The following SPATA6 variants were observed in gnomAD, a reference collection of about 807,000 sequenced individuals.
SPATA6 encodes the protein spermatogenesis associated 6, also known as spermatogenesis-associated protein 6.
SPATA6 carries 56 observed loss-of-function variants against 65.3 expected under a neutral mutation model. The observed-to-expected ratio is 0.86, with a 90% confidence interval of 0.69 to 1.07. SPATA6 has a LOEUF of 1.07. Ranked by LOEUF, SPATA6 falls within the 50% of genes least tolerant of loss-of-function variation. The pLI, the probability that SPATA6 is intolerant of heterozygous loss-of-function variation, is 0.00. For synonymous variants in SPATA6, 199 were observed against 213.2 expected, an observed-to-expected ratio of 0.93 and a Z score of 0.58; for missense variants, 590 against 594.8, an observed-to-expected ratio of 0.99 and a Z score of 0.08.
At chr1:48,416,922 A>C (rs1179987269) in intron 3 of SPATA6, among the ~76,000 whole-genome samples, 1 of 152,228 alleles carries the variant, frequency 6.6e-6, no homozygotes, top group East Asian at 1.9e-4. Flanking sequence ...AAATCTCAGC[A>C]AACTAAGACT....
intron 1 of SPATA6, among the ~76,000 whole-genome samples, chr1:48,465,427 T>C (rs1657740906): frequency 6.6e-6 from 1 of 152,140 alleles, no homozygotes; most frequent in Non-Finnish European, 1.5e-5. Flanking sequence ...ACTAACCGGA[T>C]ACCCTGAGAC....
At chr1:48,318,303 T>A (rs1208602842) in intron 11 of SPATA6, among the ~76,000 whole-genome samples, 1 of 152,068 alleles carries the variant, frequency 6.6e-6, no homozygotes, top group African/African-American at 2.4e-5. Flanking sequence ...GAATATGACA[T>A]AAGAGAAATC....
chr1:48,376,528 T>TAAA (rs529011057), intron 9 of SPATA6, among the ~76,000 whole-genome samples: 3 of 140,956 alleles, frequency 2.1e-5, no homozygotes, highest in African/African-American at 7.8e-5. Flanking sequence ...TCCTGGAATT[T>TAAA]AAAAAAAAAA....
chr1:48,423,607 G>A (rs1283379252), intron 3 of SPATA6, among the ~76,000 whole-genome samples: 1 of 141,904 alleles, frequency 7.0e-6, no homozygotes, highest in Non-Finnish European at 1.5e-5. Flanking sequence ...GAGAGCAATG[G>A]CACAATCTCG....
chr1:48,463,846 A>G (rs1450879760), intron 1 of SPATA6, among the ~76,000 whole-genome samples: 1 of 152,146 alleles, frequency 6.6e-6, no homozygotes, highest in Non-Finnish European at 1.5e-5. Context: ...ATCCTAAATA[A>G]AAAATTAGCC....
At chr1:48,343,898 G>C (rs1306337713) in intron 11 of SPATA6, among the ~76,000 whole-genome samples, 1 of 152,032 alleles carries the variant, frequency 6.6e-6, no homozygotes, top group Admixed American at 6.6e-5. Flanking sequence ...GAACAGGAAA[G>C]AAAATCCCCA....
At chr1:48,264,227 C>G in the SPATA6 span, among the ~76,000 whole-genome samples, 155 of 152,202 alleles carry the variant, frequency 1.0e-3, 2 homozygotes, top group Admixed American at 9.4e-3. Flanking sequence ...TATTTGAGTA[C>G]CCAAATATTT....
At chr1:48,440,908 G>C (rs574739729) in intron 3 of SPATA6, among the ~76,000 whole-genome samples, 1 of 152,312 alleles carries the variant, frequency 6.6e-6, no homozygotes, top group South Asian at 2.1e-4. Flanking sequence ...AAAAGGAAAA[G>C]AGAGATCAGA....
At chr1:48,308,681 C>A (rs962575431) in intron 11 of SPATA6, among the ~76,000 whole-genome samples, 6 of 151,910 alleles carry the variant, frequency 3.9e-5, no homozygotes, top group African/African-American at 1.5e-4. Context: ...TAATTTATTC[C>A]ATATTTTTGA....
the SPATA6 span, among the ~76,000 whole-genome samples, chr1:48,269,092 A>G: frequency 6.6e-6 from 1 of 152,320 alleles, no homozygotes; most frequent in Non-Finnish European, 1.5e-5. Flanking sequence ...TTAAATAACT[A>G]GTAAATTTAA....
At chr1:48,273,328 T>C in the SPATA6 span, among the ~76,000 whole-genome samples, 7 of 152,168 alleles carry the variant, frequency 4.6e-5, no homozygotes, top group Non-Finnish European at 7.4e-5. Flanking sequence ...GGCACTTGGA[T>C]ATACAGTTTG....
intron 7 of SPATA6, among the ~76,000 whole-genome samples, chr1:48,397,077 C>T (rs992523840): frequency 6.6e-6 from 1 of 151,514 alleles, no homozygotes; most frequent in Non-Finnish European, 1.5e-5. Context: ...ACCTCAAAAA[C>T]ACTGTGCTAA....
At position 48,337,687 on chromosome 1, in the gene SPATA6, G is replaced by A. The variant is rs575914733; in HGVS notation, c.1194+17983C>T. On this transcript the variant is annotated intron_variant, in intron 11 of 12. Transcript: ENST00000371847. The stretch of plus-strand genomic sequence containing the variant: ...GTGGATTACAGATGACTAAAAGCAG[G>A]TAAATTATATTCATCATACCAAGAA... 3.3e-5 allele frequency among the ~76,000 whole-genome samples: 5 copies of A among 151,854 alleles called. No individual in the cohort carries two copies. In the East Asian group the frequency reaches 9.7e-4, roughly 29 times the overall value.
At chr1:48,364,621 T>C (rs1392980292) in intron 9 of SPATA6, among the ~76,000 whole-genome samples, 1 of 152,264 alleles carries the variant, frequency 6.6e-6, no homozygotes, top group African/African-American at 2.4e-5. Flanking sequence ...TGTCTGTTCA[T>C]ATCCTTTGCC....
At chr1:48,460,535 T>C (rs1657348155) in intron 1 of SPATA6, among the ~76,000 whole-genome samples, 1 of 152,052 alleles carries the variant, frequency 6.6e-6, no homozygotes, top group Non-Finnish European at 1.5e-5. Context: ...AACACCTCTA[T>C]ACCACAATGC....
At chr1:48,414,909 A>G (rs911604472) in intron 3 of SPATA6, among the ~76,000 whole-genome samples, 1 of 152,184 alleles carries the variant, frequency 6.6e-6, no homozygotes, top group Non-Finnish European at 1.5e-5. Context: ...ATTTTGAAAA[A>G]CTATAACATG....
At chr1:48,328,657 G>A (rs749273081) in intron 11 of SPATA6, among the ~76,000 whole-genome samples, 1 of 152,098 alleles carries the variant, frequency 6.6e-6, no homozygotes, top group African/African-American at 2.4e-5. Context: ...TCTTCTCTGT[G>A]GGGTGATGAA....
At chr1:48,372,775 C>T (rs940751430) in intron 9 of SPATA6, among the ~76,000 whole-genome samples, 3 of 152,244 alleles carry the variant, frequency 2.0e-5, no homozygotes, top group Non-Finnish European at 4.4e-5. Context: ...TTCTTGACTT[C>T]TGTGCACTCA....
chr1:48,455,381 C>CT (rs760784000), intron 1 of SPATA6, among the ~76,000 whole-genome samples: 1,481 of 143,914 alleles, frequency 0.01, 11 homozygotes, highest in Non-Finnish European at 0.014. Flanking sequence ...ACCTCTTTAA[C>CT]TTTTTTTTTT....
Sources: gnomAD v4.1 joint callset for allele counts (sites outside exome capture counted in the v4.1 genomes callset) on GRCh38, gnomAD v4.1.1 for gene constraint, MANE v1.5 for transcripts, NCBI Gene and HGNC (gene_info 2026-07-23, HGNC 2026-07-21) for gene names.